Variants in SMG7 observed in about 807,000 individuals in gnomAD.
SMG7 encodes nonsense-mediated mRNA decay factor SMG7.
In SMG7, 34 loss-of-function variants were observed where a neutral mutation model predicts 148.2. The ratio of observed to expected loss-of-function variants is 0.23; its 90% CI spans 0.17 to 0.31. The LOEUF is 0.31. Among genes scored for constraint, SMG7 ranks in the 10% least tolerant of loss-of-function variants. SMG7 has a pLI of 1.00. For missense variants in SMG7, 1,114 were observed against 1,408.4 expected (o/e 0.79, Z 3.35); for synonymous variants, 492 against 515.1 (o/e 0.96, Z 0.61).
At chr1:183,503,294 A>G (rs531148298) in intron 1 of SMG7, among the ~76,000 whole-genome samples, 5 of 152,348 alleles carry the variant, frequency 3.3e-5, no homozygotes, top group African/African-American at 9.6e-5. Context: ...TTCTTAACAG[A>G]TGAGTTTAGT....
chr1:183,543,612 A>G (rs145550726), intron 14 of SMG7, among the ~76,000 whole-genome samples: 10 of 152,304 alleles, frequency 6.6e-5, no homozygotes, highest in African/African-American at 1.2e-4. Flanking sequence ...TGAAAATACA[A>G]TCTCCTTTTT....
chr1:183,541,973 G>A, intron 13 of SMG7, 103 bp from the exon 14 acceptor site: 1 of 948,004 alleles, frequency 1.1e-6, no homozygotes, highest in Non-Finnish European at 1.6e-6. Flanking sequence ...CTGTTTTCAT[G>A]GTTATTAGTG....
At chr1:183,505,542 C>T (rs1660712546) in intron 1 of SMG7, among the ~76,000 whole-genome samples, 1 of 152,108 alleles carries the variant, frequency 6.6e-6, no homozygotes, top group African/African-American at 2.4e-5. Context: ...TTTTAACTGC[C>T]ATCAATGTAC....
Position 183,551,909 on chromosome 1 carries a change from G to A in SMG7, c.3542G>A (p.Gly1181Asp). The stretch of plus-strand genomic sequence containing the variant: ...AAGCAGAAACAGCAACGGGGACAAG[G>A]CACCATGAACCCTCCACACTGAGGC... ...QQKQKQQRGQ[G>D]TMNPPH Residue 1181 changes from glycine (G) to aspartate (D), a missense_variant, in exon 23 of 23, where the codon GGC (glycine) becomes GAC (aspartate). By Grantham distance (94) the Gly-to-Asp change is moderately conservative. Coordinates refer to ENST00000688051, the MANE Select transcript of SMG7 (RefSeq NM_001375584.1). 1.9e-6 allele frequency: 3 copies of A among 1,613,826 alleles called. No homozygotes were observed. Among genetic ancestry groups the A allele is most frequent in the Non-Finnish European group, 2.5e-6 (3 of 1,179,836 alleles).
Position 183,546,043 on chromosome 1 carries a change from G to A in SMG7, c.2448G>A (p.Val816=). The change falls in exon 17 of 23, where the codon GTG becomes GTA. Residue 816 remains valine, a synonymous_variant. Coordinates refer to ENST00000688051, the MANE Select transcript of SMG7 (RefSeq NM_001375584.1). Reference sequence around the variant, plus strand: ...GCCCATTAGGGAAAATTATGCCTGTGAAACAGCCCTACTACCTTCAGACCC... The same window carrying A: ...GCCCATTAGGGAAAATTATGCCTGTAAAACAGCCCTACTACCTTCAGACCC... ...VQGPLGKIMP[V]KQPYYLQTQD... is the part of the protein sequence containing the mutation. 6.2e-7 allele frequency: 1 copy of A among 1,613,920 alleles called. No homozygotes were observed. Among genetic ancestry groups the A allele is most frequent in the Non-Finnish European group, 8.5e-7 (1 of 1,179,954 alleles).
chr1:183,538,961 C>T (rs946652885), intron 12 of SMG7, among the ~76,000 whole-genome samples: 1 of 151,658 alleles, frequency 6.6e-6, no homozygotes, highest in South Asian at 2.1e-4. Context: ...CTGGCTAACC[C>T]GGTGAAACCC....
rs1667951027 is a variant in SMG7, at chr1:183,537,225, A to C, written c.1234+10A>C. 3 of 1,585,112 alleles carry C rather than the reference A, an allele frequency of 1.9e-6. No individual in the cohort carries two copies. Among genetic ancestry groups the C allele is most frequent in the African/African-American group, 2.7e-5 (2 of 74,364 alleles). On this transcript the variant is annotated intron_variant, in intron 11 of 22. Transcript: ENST00000688051. ...CTCTCAAGTATTAGTGGTAAGGGCT[A>C]CCCTAACCTTGTGTTGTTGATGTGG...
At position 183,517,578 on chromosome 1, in the gene SMG7, CTGTCT is replaced by C. The variant is rs1477799459; in HGVS notation, c.180-109_180-105del. On this transcript the variant is annotated intron_variant, in intron 3 of 22. Transcript: ENST00000688051. ...AATGAATAACTTTAATGCAGGTTTA[CTGTCT>C]CGTGTGGTATAATTATAACAGACAG... The C allele has an allele frequency of 3.0e-6, 3 of 1,004,686 alleles. No individual in the cohort carries two copies. The African/African-American group carries it at 4.8e-5, about 16-fold the overall frequency. The allele number at this position is 1,004,686 out of a possible 1,614,324, so 62.2% of individuals were successfully genotyped here. A position where few individuals can be genotyped will look rare whatever the true frequency, so the allele number is the denominator to read the frequency against.
chr1:183,472,811 G>A (rs545585385), intron 1 of SMG7, 162 bp downstream of exon 1: 3 of 568,372 alleles, frequency 5.3e-6, no homozygotes, highest in East Asian at 3.5e-5. Context: ...GGAGGGGGCG[G>A]AACGGGTATG....
chr1:183,515,769 G>A (rs1663364317), intron 2 of SMG7, 105 bp from the exon 3 acceptor site: 7 of 588,556 alleles, frequency 1.2e-5, no homozygotes, highest in Admixed American at 5.7e-5. Context: ...TTTAGAGCAG[G>A]TTTTGCCTTG....
rs531945857 is a variant in SMG7 at position 183,477,402 on chromosome 1, G to T, written c.29+4753G>T. Among the ~76,000 whole-genome samples the T allele has an allele frequency of 9.8e-4, 122 of 124,498 alleles. 1 individual carries two copies. The highest frequency in any genetic ancestry group is 3.0e-3 in the African/African-American group (118 of 38,778). The allele number at this position is 124,498 out of a possible 152,430, so 81.7% of individuals were successfully genotyped here. ...CCAGAAAGTATCTGTTTTGTTTTGT[G>T]TGTGTGTGTGTGTGTGTATGTGTGC... On this transcript the variant is annotated intron_variant, in intron 1 of 22. Transcript: ENST00000688051.
intron 1 of SMG7, among the ~76,000 whole-genome samples, chr1:183,487,929 G>A (rs999425003): frequency 3.3e-5 from 5 of 152,222 alleles, no homozygotes; most frequent in African/African-American, 9.7e-5. Flanking sequence ...ACAGTTGAGA[G>A]TCATTGGTAT....
At chr1:183,516,102 T>A (rs1237629093) in intron 3 of SMG7, 111 bp downstream of exon 3, 1 of 689,662 alleles carries the variant, frequency 1.4e-6, no homozygotes, top group African/African-American at 1.8e-5. Flanking sequence ...AATAAACTTT[T>A]TCAATGGAAA....
Position 183,550,859 on chromosome 1 carries a change from C to T in SMG7, c.3242C>T (p.Pro1081Leu). 2 of 1,614,032 alleles carry T rather than the reference C, an allele frequency of 1.2e-6. No individual in the cohort carries two copies. Among genetic ancestry groups the T allele is most frequent in the Non-Finnish European group, 1.7e-6 (2 of 1,179,956 alleles). The change falls in exon 21 of 23, where the codon CCC becomes CTC. Residue 1081 changes from proline to leucine, a missense_variant. Transcript: ENST00000688051. ...TCTGTTCCATTCTCCAATTTTGGACCCATTGGGACTCCAGATAACAGGGAT... is the reference window on the plus strand; with the variant it reads ...TCTGTTCCATTCTCCAATTTTGGACTCATTGGGACTCCAGATAACAGGGAT... ...HNSVPFSNFG[P>L]IGTPDNRDRR...
intron 3 of SMG7, chr1:183,517,485 A>G: frequency 1.7e-6 from 1 of 596,496 alleles, no homozygotes; most frequent in Non-Finnish European, 3.0e-6. Flanking sequence ...GTAAGTGTTT[A>G]CTAAGGTCAG....
At position 183,515,924 on chromosome 1, in the gene SMG7, G is replaced by T; in HGVS notation, c.112G>T (p.Asp38Tyr). The T allele has an allele frequency of 6.2e-7, 1 of 1,613,602 alleles. No homozygotes were observed. Reference sequence around the variant, plus strand: ...CTGGACATCCAGGCAGGCTCTGCAGGACCTGTACCAGAAAATGCTAGTTAC... The same window carrying T: ...CTGGACATCCAGGCAGGCTCTGCAGTACCTGTACCAGAAAATGCTAGTTAC... ...EVWTSRQALQDLYQKMLVTDL... is the reference protein window; with the variant it reads ...EVWTSRQALQYLYQKMLVTDL... Residue 38 changes from aspartate (D) to tyrosine (Y), a missense_variant, in exon 3 of 23, where the codon GAC (aspartate) becomes TAC (tyrosine). Around this residue, in one of 4 missense-constraint regions of SMG7, gnomAD observed 216 missense variants for 329.1 expected, o/e 0.66. Coordinates refer to ENST00000688051, the MANE Select transcript of SMG7 (RefSeq NM_001375584.1).
Position 183,526,775 on chromosome 1 carries a change from T to G in SMG7, c.484+8T>G. On this transcript the variant is annotated splice_region_variant and intron_variant, in intron 5 of 22. Transcript: ENST00000688051. ...TCCACCTTGGAGACATTGGTGAGCC[T>G]TTGCTGTGAAGGAATTGATAATATG... is the stretch of plus-strand genomic sequence containing the variant. 1 of 1,598,340 alleles carries G rather than the reference T, an allele frequency of 6.3e-7. No individual in the cohort carries two copies. The highest frequency in any genetic ancestry group is 8.5e-7 in the Non-Finnish European group (1 of 1,173,488).
Position 183,533,754 on chromosome 1 carries a change from CAG to C in SMG7, c.1086_1087del (p.Ala363SerfsTer22). On this transcript the variant is annotated frameshift_variant, in exon 10 of 23. Transcript: ENST00000688051. LOFTEE classifies it high-confidence loss of function. Reference sequence around the variant, plus strand: ...GAGTCCTACAATGCCTATCCTCTTCCAGCAGTCAAGGTCTCCATGGACTGGCT... The same window carrying C: ...GAGTCCTACAATGCCTATCCTCTTCCCAGTCAAGGTCTCCATGGACTGGCT... The C allele has an allele frequency of 6.2e-7, 1 of 1,613,496 alleles. No homozygotes were observed. Among genetic ancestry groups the C allele is most frequent in the Non-Finnish European group, 8.5e-7 (1 of 1,179,570 alleles).
At chr1:183,511,566 G>A (rs1299623956) in intron 1 of SMG7, among the ~76,000 whole-genome samples, 1 of 152,216 alleles carries the variant, frequency 6.6e-6, no homozygotes, top group Non-Finnish European at 1.5e-5. Context: ...ATCAAGGAGT[G>A]AAGAGTAGTG....
Sources: allele counts gnomAD v4.1 joint callset (sites outside exome capture counted in the v4.1 genomes callset), GRCh38; gene constraint gnomAD v4.1.1; regional missense constraint gnomAD v4.1.1; transcripts MANE v1.5; gene names NCBI Gene and HGNC (gene_info 2026-07-23, HGNC 2026-07-21).